The following JAK1 variants were observed in gnomAD, a reference collection of about 807,000 sequenced individuals.
The protein encoded by JAK1 is tyrosine-protein kinase JAK1.
JAK1 carries 16 observed loss-of-function variants against 136.6 expected under a neutral mutation model. The ratio of observed to expected loss-of-function variants is 0.12; its 90% CI spans 0.08 to 0.18. The LOEUF (loss-of-function observed/expected upper bound fraction) is 0.18. JAK1 is among the 10% of genes least tolerant of loss of function. The probability of loss-of-function intolerance (pLI) is 1.00; values close to 1 mark genes in which losing one functional copy is unlikely to be tolerated. For missense variants in JAK1, 859 were observed against 1,450.1 expected (o/e 0.59, Z 6.62); for synonymous variants, 492 against 519.5 (o/e 0.95, Z 0.72).
At chr1:64,944,327 AATTAT>A (rs1263059721) in intron 1 of JAK1, among the ~76,000 whole-genome samples, 1 of 152,130 alleles carries the variant, frequency 6.6e-6, no homozygotes, top group Non-Finnish European at 1.5e-5. Flanking sequence ...ATTTTTAAAA[AATTAT>A]TATATCCACA....
At chr1:65,024,097 G>A (rs551815457) in intron 2 of JAK1, among the ~76,000 whole-genome samples, 3 of 151,914 alleles carry the variant, frequency 2.0e-5, no homozygotes, top group Admixed American at 6.6e-5. Context: ...AACTTTTTGC[G>A]GCCATATATT....
intron 2 of JAK1, among the ~76,000 whole-genome samples, chr1:64,883,988 A>C (rs186559473): frequency 2.2e-4 from 33 of 152,254 alleles, no homozygotes; most frequent in African/African-American, 6.3e-4. Flanking sequence ...ACCGTATCTT[A>C]TCTCTCTTCA....
At chr1:64,957,831 C>A (rs1186732866) in intron 1 of JAK1, among the ~76,000 whole-genome samples, 2 of 152,146 alleles carry the variant, frequency 1.3e-5, no homozygotes, top group Non-Finnish European at 2.9e-5. Context: ...GTAATCCCAG[C>A]CACTTGGGAG....
In JAK1 at chr1:65,065,499, G is replaced by A. The variant is rs139220124; in HGVS notation, c.-181+2105C>T. Among the ~76,000 whole-genome samples, 35 of 151,910 alleles carry A rather than the reference G, an allele frequency of 2.3e-4. No individual in the cohort carries two copies. The East Asian group carries it at 6.4e-3, about 28-fold the overall frequency. On this transcript the variant is annotated intron_variant, in intron 1 of 25. Coordinates refer to the JAK1 transcript ENST00000671954. ...CCCCAAATATCTATCACAGAACAAG[G>A]GGCAAAGAGGAGGGGAGGGTCGACT... is the stretch of plus-strand genomic sequence containing the variant.
chr1:65,060,187 T>C (rs914816081), intron 1 of JAK1, among the ~76,000 whole-genome samples: 5 of 152,090 alleles, frequency 3.3e-5, no homozygotes, highest in Non-Finnish European at 7.4e-5. Context: ...TGGAAATAGT[T>C]GCACATTTTT....
chr1:64,925,676 T>C (rs1218100543), intron 1 of JAK1, among the ~76,000 whole-genome samples: 1 of 152,212 alleles, frequency 6.6e-6, no homozygotes, highest in Non-Finnish European at 1.5e-5. Flanking sequence ...TAATTCCGAC[T>C]AACATCATCT....
intron 1 of JAK1, among the ~76,000 whole-genome samples, chr1:64,951,597 T>A (rs1338761919): frequency 1.3e-5 from 2 of 150,076 alleles, no homozygotes; most frequent in African/African-American, 2.5e-5. Flanking sequence ...CCAATGCAGG[T>A]AACACACTCA....
intron 1 of JAK1, among the ~76,000 whole-genome samples, chr1:65,053,856 G>A (rs534578546): frequency 6.6e-6 from 1 of 152,260 alleles, no homozygotes; most frequent in South Asian, 2.1e-4. Flanking sequence ...CAAGTTTGTG[G>A]CACACTTAAA....
chr1:64,834,373 G>T lies in JAK1; in HGVS notation c.*189C>A. ...CTAAGTTACTGGTACCAAATTTAAA[G>T]AGGAAGTCCTTACACATATTAAGCA... On this transcript the variant is annotated 3_prime_UTR_variant, in exon 25 of 25. Transcript: ENST00000342505. 1 of 438,988 alleles carries T rather than the reference G, an allele frequency of 2.3e-6. No individual in the cohort carries two copies. 27.2% of individuals were successfully genotyped at this position (438,988 alleles called of 1,614,324 possible).
At chr1:64,837,601 C>A (rs1654568082) in intron 22 of JAK1, among the ~76,000 whole-genome samples, 1 of 152,216 alleles carries the variant, frequency 6.6e-6, no homozygotes, top group Non-Finnish European at 1.5e-5. Context: ...GAACTAGATT[C>A]TCTCCACCTG....
intron 2 of JAK1, among the ~76,000 whole-genome samples, chr1:65,038,862 T>C (rs1647101761): frequency 6.6e-6 from 1 of 152,046 alleles, no homozygotes; most frequent in Non-Finnish European, 1.5e-5. Flanking sequence ...GATCTCAAAC[T>C]CCTGGCCTCA....
At chr1:64,966,995 T>C (rs932289881), upstream of JAK1, among the ~76,000 whole-genome samples, 11 of 151,122 alleles carry the variant, frequency 7.3e-5, no homozygotes, top group African/African-American at 2.7e-4. Context: ...AATTTAACAA[T>C]ACAGCCCCCA....
intron 1 of JAK1, among the ~76,000 whole-genome samples, chr1:64,963,992 T>G (rs1204626284): frequency 1.3e-5 from 2 of 152,172 alleles, no homozygotes; most frequent in African/African-American, 4.8e-5. Context: ...AATATCTCAT[T>G]GGGTGCAAAA....
chr1:64,846,846 G>A (rs1051087738), intron 13 of JAK1, 110 bp from the exon 14 acceptor site: 33 of 740,008 alleles, frequency 4.5e-5, no homozygotes, highest in Admixed American at 1.3e-4. Context: ...CACCACTGTC[G>A]CCACCCCAGG....
At chr1:64,908,395 T>C (rs984435710) in intron 1 of JAK1, among the ~76,000 whole-genome samples, 2 of 152,214 alleles carry the variant, frequency 1.3e-5, no homozygotes, top group African/African-American at 4.8e-5. Flanking sequence ...GTGCCATTCC[T>C]TTTTACATAT....
At chr1:64,989,711 A>C (rs1646637450) in intron 2 of JAK1, 1 of 152,166 alleles carries the variant, frequency 6.6e-6, no homozygotes, top group South Asian at 2.1e-4. Context: ...TAAACCACCT[A>C]AGGCTTGGGC....
At chr1:64,945,836 C>T (rs2100547526) in intron 1 of JAK1, among the ~76,000 whole-genome samples, 1 of 152,226 alleles carries the variant, frequency 6.6e-6, no homozygotes, top group Admixed American at 6.5e-5. Flanking sequence ...TCAAGCCATC[C>T]TCTGGCCTCA....
chr1:64,879,698 T>C (rs1390011597), intron 3 of JAK1, among the ~76,000 whole-genome samples: 1 of 152,222 alleles, frequency 6.6e-6, no homozygotes, highest in Non-Finnish European at 1.5e-5. Flanking sequence ...TTAAAATCTA[T>C]TACCATTAAT....
intron 2 of JAK1, among the ~76,000 whole-genome samples, chr1:65,009,810 G>A (rs1274627146): frequency 6.6e-6 from 1 of 152,204 alleles, no homozygotes; most frequent in Non-Finnish European, 1.5e-5. Context: ...CCAGTAAGTG[G>A]CAGAGCTGGG....
Sources: allele counts gnomAD v4.1 joint callset (sites outside exome capture counted in the v4.1 genomes callset), GRCh38; gene constraint gnomAD v4.1.1; transcripts MANE v1.5; gene names NCBI Gene and HGNC (gene_info 2026-07-23, HGNC 2026-07-21).